The following RAD51B variants were observed in gnomAD, a reference collection of about 807,000 sequenced individuals.
The protein encoded by RAD51B is RAD51 paralog B, also known as DNA repair protein RAD51 homolog 2.
A neutral mutation model predicts 42.2 loss-of-function variants in RAD51B; 38 were observed. The ratio of observed to expected loss-of-function variants is 0.90; its 90% CI spans 0.70 to 1.18. The LOEUF is 1.18. RAD51B is among the 50% of genes most tolerant of loss of function. The pLI is 0.00. For synonymous variants in RAD51B, 154 were observed against 145.2 expected (o/e 1.06, Z -0.43); for missense variants, 373 against 400.7 (o/e 0.93, Z 0.59).
At chr14:67,960,959 T>C (rs2074651690) in intron 7 of RAD51B, among the ~76,000 whole-genome samples, 1 of 152,100 alleles carries the variant, frequency 6.6e-6, no homozygotes, top group African/African-American at 2.4e-5. Context: ...CATGAGCCAC[T>C]GTGCCTGGCT....
chr14:68,104,743 G>A (rs535828067), intron 7 of RAD51B, among the ~76,000 whole-genome samples: 2 of 152,090 alleles, frequency 1.3e-5, no homozygotes, highest in South Asian at 2.1e-4. Flanking sequence ...AGAAATCCAC[G>A]ATAGACTTCA....
At chr14:68,060,814 C>A (rs571635818) in intron 7 of RAD51B, among the ~76,000 whole-genome samples, 240 of 152,264 alleles carry the variant, frequency 1.6e-3, no homozygotes, top group African/African-American at 5.6e-3. Context: ...TTTTTCCCAG[C>A]ACCATTTATT....
At chr14:68,673,490 T>C (rs1295126397) in intron 11 of RAD51B, among the ~76,000 whole-genome samples, 3 of 149,314 alleles carry the variant, frequency 2.0e-5, no homozygotes, top group African/African-American at 7.4e-5. Flanking sequence ...CACATGCACA[T>C]ACTGTACACA....
intron 8 of RAD51B, among the ~76,000 whole-genome samples, chr14:68,410,397 T>A (rs570837657): frequency 6.6e-6 from 1 of 152,320 alleles, no homozygotes; most frequent in East Asian, 1.9e-4. Context: ...AAGGCCTCAT[T>A]TTGTTTTAGC....
intron 8 of RAD51B, among the ~76,000 whole-genome samples, chr14:68,309,856 T>C (rs12880734): frequency 0.025 from 3,845 of 152,246 alleles, 70 homozygotes; most frequent in Non-Finnish European, 0.04. Flanking sequence ...CCAAAGGAAG[T>C]GAATAATCAT....
intron 8 of RAD51B, among the ~76,000 whole-genome samples, chr14:68,392,365 A>T (rs1034290207): frequency 6.6e-6 from 1 of 152,144 alleles, no homozygotes; most frequent in African/African-American, 2.4e-5. Context: ...CCTGGTGAGG[A>T]CCAAGGCACA....
chr14:68,289,409 T>A (rs1041732490), intron 7 of RAD51B, among the ~76,000 whole-genome samples: 1 of 152,186 alleles, frequency 6.6e-6, no homozygotes, highest in African/African-American at 2.4e-5. Context: ...TCAAAGCTCA[T>A]ACCCTATATT....
chr14:68,097,434 A>C (rs2077214695), intron 7 of RAD51B, among the ~76,000 whole-genome samples: 1 of 152,152 alleles, frequency 6.6e-6, no homozygotes, highest in Admixed American at 6.5e-5. Flanking sequence ...GATGTCTCTA[A>C]CTGGATATTC....
At chr14:68,467,927 T>G (rs140631908) in intron 9 of RAD51B, among the ~76,000 whole-genome samples, 2 of 152,334 alleles carry the variant, frequency 1.3e-5, no homozygotes, top group East Asian at 3.9e-4. Flanking sequence ...TCTAGAAGAA[T>G]TGATTCAAGA....
At chr14:68,426,008 CT>C (rs1281303912) in intron 9 of RAD51B, among the ~76,000 whole-genome samples, 67 of 78,330 alleles carry the variant, frequency 8.6e-4, no homozygotes, top group African/African-American at 3.5e-3. Flanking sequence ...TCCTTCCTTC[CT>C]TTCTTTCTTT....
chr14:68,192,651 G>C (rs1179396659), intron 7 of RAD51B, among the ~76,000 whole-genome samples: 4 of 152,110 alleles, frequency 2.6e-5, no homozygotes, highest in Non-Finnish European at 4.4e-5. Flanking sequence ...CTGATGTTAA[G>C]GTAAACAGAC....
intron 7 of RAD51B, among the ~76,000 whole-genome samples, chr14:68,271,567 C>T (rs2081104761): frequency 6.6e-6 from 1 of 152,072 alleles, no homozygotes; most frequent in Non-Finnish European, 1.5e-5. Flanking sequence ...CTTTATCGTC[C>T]AATGGATATG....
intron 7 of RAD51B, among the ~76,000 whole-genome samples, chr14:68,237,541 C>G (rs951790941): frequency 2.6e-5 from 4 of 152,024 alleles, no homozygotes. Flanking sequence ...CATTTTTACT[C>G]CCAAAAGAAA....
chr14:68,027,213 C>T (rs532348049), intron 7 of RAD51B, among the ~76,000 whole-genome samples: 2 of 152,204 alleles, frequency 1.3e-5, no homozygotes, highest in African/African-American at 4.8e-5. Context: ...AGGTTCCCTG[C>T]TAGCCTGATA....
chr14:68,357,165 A>C (rs189809185), intron 8 of RAD51B, among the ~76,000 whole-genome samples: 76 of 152,276 alleles, frequency 5.0e-4, no homozygotes, highest in African/African-American at 1.8e-3. Context: ...TTTCTGTGAT[A>C]TTCTAAATCC....
At chr14:68,221,475 A>T (rs1005093076) in intron 7 of RAD51B, among the ~76,000 whole-genome samples, 2 of 152,250 alleles carry the variant, frequency 1.3e-5, no homozygotes, top group African/African-American at 4.8e-5. Flanking sequence ...TGCTGGGATA[A>T]TTGGCAAGCC....
chr14:67,971,726 C>T (rs1017567792), intron 7 of RAD51B, among the ~76,000 whole-genome samples: 1 of 151,940 alleles, frequency 6.6e-6, no homozygotes, highest in African/African-American at 2.4e-5. Context: ...CTTAGGTCAT[C>T]CTCCCTCAGG....
At chr14:68,034,169 C>T (rs768360068) in intron 7 of RAD51B, among the ~76,000 whole-genome samples, 2 of 151,948 alleles carry the variant, frequency 1.3e-5, no homozygotes, top group Non-Finnish European at 2.9e-5. Flanking sequence ...TTTGCAATTA[C>T]TGACTTTTCA....
At chr14:68,555,625 G>A (rs1266295322) in intron 10 of RAD51B, among the ~76,000 whole-genome samples, 2 of 152,198 alleles carry the variant, frequency 1.3e-5, no homozygotes, top group East Asian at 1.9e-4. Context: ...TGACAGCCAT[G>A]GGGTTGCAAA....
Sources: gnomAD v4.1 joint callset for allele counts (sites outside exome capture counted in the v4.1 genomes callset) on GRCh38, gnomAD v4.1.1 for gene constraint, MANE v1.5 for transcripts, NCBI Gene and HGNC (gene_info 2026-07-23, HGNC 2026-07-21) for gene names.